Variants in SCAF8 observed in about 807,000 individuals in gnomAD.
The protein encoded by SCAF8 is SR-related and CTD-associated factor 8.
In SCAF8, 23 loss-of-function variants were observed where a neutral mutation model predicts 140.5. That is an observed-to-expected ratio of 0.16 (90% CI 0.12 to 0.23). SCAF8 has a LOEUF of 0.23. SCAF8 is among the 10% of genes least tolerant of loss of function. The pLI is 1.00. For synonymous variants in SCAF8, 575 were observed against 528.9 expected (o/e 1.09, Z -1.20); for missense variants, 1,397 against 1,555.7 (o/e 0.90, Z 1.72).
chr6:154,829,128 CT>C lies in SCAF8; in HGVS notation c.2141-1793del, dbSNP rs530958783. 4.6e-5 allele frequency among the ~76,000 whole-genome samples: 7 copies of C among 152,166 alleles called. No individual in the cohort carries two copies. In the East Asian group the frequency reaches 1.2e-3, roughly 25 times the overall value. On this transcript the variant is annotated intron_variant, in intron 18 of 19. Coordinates refer to ENST00000367178, the MANE Select transcript of SCAF8 (RefSeq NM_014892.5). Reference sequence around the variant, plus strand: ...ATATGACAAACCTGCACATGTACCCCTGAACATAAAAGTTTAATAAATAATG... The same window carrying C: ...ATATGACAAACCTGCACATGTACCCCGAACATAAAAGTTTAATAAATAATG...
chr6:154,790,832 G>A (rs1269918766), intron 4 of SCAF8, among the ~76,000 whole-genome samples: 2 of 152,026 alleles, frequency 1.3e-5, no homozygotes, highest in East Asian at 1.9e-4. Flanking sequence ...CTTGATTTTA[G>A]CCTCTGTCTT....
At chr6:154,831,214 C>G (rs1295987953) in intron 19 of SCAF8, 74 bp downstream of exon 19, 10 of 846,386 alleles carry the variant, frequency 1.2e-5, no homozygotes, top group Non-Finnish European at 1.8e-5. Context: ...GGGTGGCATG[C>G]GTTTGTAACC....
At chr6:154,763,363 A>C (rs1343980138) in intron 1 of SCAF8, among the ~76,000 whole-genome samples, 7 of 152,156 alleles carry the variant, frequency 4.6e-5, no homozygotes, top group Non-Finnish European at 8.8e-5. Flanking sequence ...CAGTACTCTC[A>C]AGGGCTTAAA....
Position 154,733,827 on chromosome 6 carries a change from G to T in SCAF8, c.-74G>T, listed in dbSNP as rs773648842. 6.7e-6 allele frequency: 10 copies of T among 1,500,542 alleles called. No homozygotes were observed. Among genetic ancestry groups the T allele is most frequent in the East Asian group, 2.7e-5 (1 of 36,424 alleles). The allele number at this position is 1,500,542 out of a possible 1,614,324, so 93.0% of individuals were successfully genotyped here. A position where few individuals can be genotyped will look rare whatever the true frequency, so the allele number is the denominator to read the frequency against. The stretch of plus-strand genomic sequence containing the variant: ...TCCTCGCGGCCACGCAGCAGCCCGC[G>T]TCTCGCTCTCCCCACCCAGTGCAGT... On this transcript the variant is annotated 5_prime_UTR_variant, in exon 1 of 20. Transcript: ENST00000367178.
chr6:154,830,835 A>G (rs1778708893), intron 18 of SCAF8, 87 bp from the exon 19 acceptor site: 1 of 940,254 alleles, frequency 1.1e-6, no homozygotes, highest in South Asian at 1.5e-5. Flanking sequence ...CAGAGATGCC[A>G]TTAAATTAAA....
chr6:154,806,930 C>T (rs1443312934), intron 9 of SCAF8, among the ~76,000 whole-genome samples: 3 of 152,086 alleles, frequency 2.0e-5, no homozygotes, highest in South Asian at 2.1e-4. Flanking sequence ...ACAAACAGCT[C>T]GTCAGTGATG....
chr6:154,733,894 C>A lies in SCAF8; in HGVS notation c.-7C>A. On this transcript the variant is annotated 5_prime_UTR_variant, in exon 1 of 20. Transcript: ENST00000367178. ...GCCGCCGGGCTCGGGGCCTCCGCAG[C>A]GACAACATGGAGGCCGTGAAGACCT... is the stretch of plus-strand genomic sequence containing the variant. 6.5e-7 allele frequency: 1 copy of A among 1,544,226 alleles called. No individual in the cohort carries two copies. The highest frequency in any genetic ancestry group is 8.7e-7 in the Non-Finnish European group (1 of 1,150,490).
chr6:154,778,065 T>C lies in SCAF8; in HGVS notation c.159+20T>C. On this transcript the variant is annotated intron_variant, in intron 3 of 19. Transcript: ENST00000367178. ...CAGAAAGTAAGTATATAATTTTCCA[T>C]ACATGTGCTGTAATTGTAGATTAAT... 7.1e-7 allele frequency: 1 copy of C among 1,406,962 alleles called. No homozygotes were observed. Among genetic ancestry groups the C allele is most frequent in the Admixed American group, 1.8e-5 (1 of 56,582 alleles). The allele number at this position is 1,406,962 out of a possible 1,614,324, so 87.2% of individuals were successfully genotyped here.
intron 1 of SCAF8, among the ~76,000 whole-genome samples, chr6:154,748,714 C>T (rs957868590): frequency 1.3e-5 from 2 of 152,134 alleles, no homozygotes; most frequent in Non-Finnish European, 2.9e-5. Flanking sequence ...TTTTTAGAAG[C>T]CTGTCTCTGT....
Position 154,795,146 on chromosome 6 carries a change from G to C in SCAF8, c.606+7G>C. Reference sequence around the variant, plus strand: ...AAGTCCTCAAGGCCAGCAGGTGAGCGGTTTTTCTGTTATATCAAGAATAAT... The same window carrying C: ...AAGTCCTCAAGGCCAGCAGGTGAGCCGTTTTTCTGTTATATCAAGAATAAT... On this transcript the variant is annotated splice_region_variant and intron_variant, in intron 6 of 19. Transcript: ENST00000367178. 1 of 1,555,718 alleles carries C rather than the reference G, an allele frequency of 6.4e-7. No individual in the cohort carries two copies. The highest frequency in any genetic ancestry group is 1.2e-5 in the South Asian group (1 of 85,686).
intron 16 of SCAF8, 124 bp from the exon 17 acceptor site, chr6:154,824,110 C>T (rs893499042): frequency 5.5e-6 from 5 of 908,262 alleles, no homozygotes; most frequent in South Asian, 3.4e-5. Context: ...AAAAAGGGGG[C>T]ATAAAACCCT....
chr6:154,800,030 C>T (rs1777725829), intron 6 of SCAF8, among the ~76,000 whole-genome samples: 1 of 151,260 alleles, frequency 6.6e-6, no homozygotes, highest in South Asian at 2.1e-4. Context: ...AAGTGATCCG[C>T]CCGCCTCGGC....
At position 154,832,124 on chromosome 6, in the gene SCAF8, C is replaced by A. The variant is rs780171347; in HGVS notation, c.2545C>A (p.Leu849Ile). 2.5e-6 allele frequency: 4 copies of A among 1,613,898 alleles called. No individual in the cohort carries two copies. In the South Asian group the frequency reaches 4.4e-5, roughly 18 times the overall value. The change falls in exon 20 of 20, where the codon CTA becomes ATA. Residue 849 changes from leucine to isoleucine, a missense_variant. By Grantham distance (5) the Leu-to-Ile change is conservative. Transcript: ENST00000367178. ...GIIAAQPPNI[L>I]NNSGILGIQP... ...TATTGCAGCCCAACCACCAAATATTCTAAATAACTCTGGAATATTGGGAAT... is the reference window on the plus strand; with the variant it reads ...TATTGCAGCCCAACCACCAAATATTATAAATAACTCTGGAATATTGGGAAT...
intron 1 of SCAF8, among the ~76,000 whole-genome samples, chr6:154,736,193 C>T (rs1409472160): frequency 6.6e-6 from 1 of 151,584 alleles, no homozygotes; most frequent in Admixed American, 6.6e-5. Flanking sequence ...TCCCCACACA[C>T]ACTTTGTTGG....
At chr6:154,736,263 G>T (rs957157463) in intron 1 of SCAF8, among the ~76,000 whole-genome samples, 1 of 107,920 alleles carries the variant, frequency 9.3e-6, no homozygotes, top group Non-Finnish European at 1.8e-5. Flanking sequence ...GGCCATCCAA[G>T]ACTTTTTTTT....
chr6:154,766,771 C>T (rs542390004), intron 1 of SCAF8, among the ~76,000 whole-genome samples: 2 of 149,166 alleles, frequency 1.3e-5, no homozygotes, highest in African/African-American at 4.9e-5. Flanking sequence ...CAGTTTTGCC[C>T]AGCAGGAATT....
chr6:154,778,768 AATGTGT>A (rs1190079757), intron 3 of SCAF8, among the ~76,000 whole-genome samples: 4 of 117,470 alleles, frequency 3.4e-5, no homozygotes, highest in African/African-American at 1.2e-4. Flanking sequence ...TGTCTCAAAA[AATGTGT>A]GTGTGTGTGT....
chr6:154,734,517 C>T (rs948659257), intron 1 of SCAF8, among the ~76,000 whole-genome samples: 2 of 152,182 alleles, frequency 1.3e-5, no homozygotes, highest in African/African-American at 4.8e-5. Flanking sequence ...TCTGCAATAT[C>T]TTTTATTTTT....
intron 1 of SCAF8, among the ~76,000 whole-genome samples, chr6:154,740,617 T>C (rs1340037505): frequency 2.5e-5 from 3 of 120,690 alleles, no homozygotes; most frequent in Non-Finnish European, 5.1e-5. Flanking sequence ...CTTTTTCTTT[T>C]TCTTTTTCTT....
Sources: gnomAD v4.1 joint callset for allele counts (sites outside exome capture counted in the v4.1 genomes callset) on GRCh38, gnomAD v4.1.1 for gene constraint, MANE v1.5 for transcripts, NCBI Gene and HGNC (gene_info 2026-07-23, HGNC 2026-07-21) for gene names.